The following TBC1D22A variants were observed in gnomAD, a reference collection of about 807,000 sequenced individuals.
TBC1D22A encodes putative GTPase activator.
A neutral mutation model predicts 60.2 loss-of-function variants in TBC1D22A; 38 were observed. The observed-to-expected ratio is 0.63, with a 90% CI of 0.49 to 0.83. TBC1D22A has a LOEUF of 0.83. Ranked by LOEUF, TBC1D22A falls within the 40% of genes least tolerant of loss-of-function variation. The pLI, the probability that TBC1D22A is intolerant of heterozygous loss-of-function variation, is 0.00. For missense variants in TBC1D22A, 628 were observed against 701.0 expected, an observed-to-expected ratio of 0.90 and a Z score of 1.18; for synonymous variants, 302 against 281.7, an observed-to-expected ratio of 1.07 and a Z score of -0.72.
chr22:46,950,768 C>T (rs532050502), intron 8 of TBC1D22A, among the ~76,000 whole-genome samples: 18 of 152,270 alleles, frequency 1.2e-4, no homozygotes, highest in African/African-American at 3.1e-4. Context: ...GCGCCTTTTA[C>T]GAACCCTTGC....
At chr22:46,797,788 A>C (rs913964781) in intron 4 of TBC1D22A, among the ~76,000 whole-genome samples, 168 bp downstream of exon 4, 3 of 152,228 alleles carry the variant, frequency 2.0e-5, no homozygotes, top group African/African-American at 7.2e-5. Flanking sequence ...GTCAGTCACT[A>C]AGGTAGTAGC....
At chr22:47,093,466 G>C (rs540420774) in intron 11 of TBC1D22A, among the ~76,000 whole-genome samples, 1 of 152,158 alleles carries the variant, frequency 6.6e-6, no homozygotes, top group Non-Finnish European at 1.5e-5. Context: ...GAGCAGGTTG[G>C]GGGAGGGGGC....
intron 11 of TBC1D22A, among the ~76,000 whole-genome samples, chr22:47,104,859 C>T (rs1323829002): frequency 6.6e-6 from 1 of 152,158 alleles, no homozygotes; most frequent in South Asian, 2.1e-4. Context: ...AACCAGTTGT[C>T]AACTAGAACA....
At chr22:47,160,135 C>T (rs1038492587) in intron 12 of TBC1D22A, among the ~76,000 whole-genome samples, 4 of 152,354 alleles carry the variant, frequency 2.6e-5, no homozygotes, top group East Asian at 1.9e-4. Flanking sequence ...TTGGTTTCCC[C>T]GCCGCTCCTT....
chr22:47,076,582 AG>A (rs2064237250), intron 11 of TBC1D22A, among the ~76,000 whole-genome samples: 1 of 151,874 alleles, frequency 6.6e-6, no homozygotes, highest in East Asian at 1.9e-4. Context: ...GGCAGATTGG[AG>A]TTCTGCAGGC....
At chr22:47,018,932 T>C (rs1410776849) in intron 10 of TBC1D22A, among the ~76,000 whole-genome samples, 1 of 148,684 alleles carries the variant, frequency 6.7e-6, no homozygotes, top group Non-Finnish European at 1.5e-5. Flanking sequence ...CCTCCTGTCT[T>C]AGCCAGACGT....
intron 7 of TBC1D22A, among the ~76,000 whole-genome samples, chr22:46,906,308 G>T (rs1401648129): frequency 6.6e-6 from 1 of 152,222 alleles, no homozygotes; most frequent in Admixed American, 6.5e-5. Context: ...TACATGGAGA[G>T]CAAGGAGAGC....
chr22:46,790,304 G>C (rs891718708), intron 1 of TBC1D22A, among the ~76,000 whole-genome samples: 11 of 152,236 alleles, frequency 7.2e-5, no homozygotes, highest in African/African-American at 2.7e-4. Context: ...CTTCTGCTCT[G>C]ACCACAGCCA....
At chr22:46,796,083 C>G (rs1020204172) in intron 3 of TBC1D22A, among the ~76,000 whole-genome samples, 6 of 151,938 alleles carry the variant, frequency 3.9e-5, no homozygotes, top group Non-Finnish European at 8.8e-5. Flanking sequence ...TGGTGTGCGG[C>G]TGCTACAAAA....
At chr22:46,958,359 G>A (rs1448062735) in intron 8 of TBC1D22A, among the ~76,000 whole-genome samples, 1 of 152,168 alleles carries the variant, frequency 6.6e-6, no homozygotes, top group Admixed American at 6.5e-5. Context: ...TCTCCCTGTG[G>A]CTGGGGTCCC....
At chr22:46,925,196 C>G (rs551406783) in intron 8 of TBC1D22A, among the ~76,000 whole-genome samples, 1 of 152,358 alleles carries the variant, frequency 6.6e-6, no homozygotes, top group South Asian at 2.1e-4. Context: ...CAAATACATC[C>G]TTTGCCTGAC....
In TBC1D22A at chr22:47,103,308, A is replaced by G. The variant is rs2065494544; in HGVS notation, c.1330-8200A>G. On this transcript the variant is annotated intron_variant, in intron 11 of 12. Transcript: ENST00000337137. ...ACAGTGTGGCATGTGCCGCGGAGAC[A>G]TGGCCAGGGCTCCTGGGAAGAAGGG... Among the ~76,000 whole-genome samples the G allele has an allele frequency of 2.0e-5, 3 of 152,210 alleles. No individual in the cohort carries two copies. The South Asian group carries it at 6.2e-4, about 32-fold the overall frequency.
rs1602720799 is a variant in TBC1D22A at position 46,969,332 on chromosome 22, G to A, written c.1016-4958G>A. Among the ~76,000 whole-genome samples, 4 of 152,280 alleles carry A rather than the reference G, an allele frequency of 2.6e-5. No homozygotes were observed. The South Asian group carries it at 6.2e-4, about 24-fold the overall frequency. The stretch of plus-strand genomic sequence containing the variant: ...CCCACTCCCCCCACCTTGCAGGAGT[G>A]TTCAGACATTCCTGTGTGTGGCATC... On this transcript the variant is annotated intron_variant, in intron 8 of 12. Coordinates refer to ENST00000337137, the MANE Select transcript of TBC1D22A (RefSeq NM_014346.5).
intron 4 of TBC1D22A, among the ~76,000 whole-genome samples, chr22:46,877,641 T>G (rs1388705761): frequency 1.3e-5 from 2 of 152,260 alleles, no homozygotes. Flanking sequence ...GGAAAAAGAT[T>G]AGATGTCAGG....
At chr22:46,923,675 T>G (rs902410510) in intron 8 of TBC1D22A, among the ~76,000 whole-genome samples, 2 of 152,284 alleles carry the variant, frequency 1.3e-5, no homozygotes, top group Non-Finnish European at 2.9e-5. Flanking sequence ...GCCGTACCAC[T>G]GTGCATAAGC....
chr22:46,913,432 T>A, intron 8 of TBC1D22A: 2 of 1,365,294 alleles, frequency 1.5e-6, no homozygotes, highest in Non-Finnish European at 2.0e-6. Flanking sequence ...CCTCAGAAGA[T>A]GAGGACATAT....
intron 11 of TBC1D22A, among the ~76,000 whole-genome samples, chr22:47,054,800 G>A (rs1415090843): frequency 1.3e-5 from 2 of 152,200 alleles, no homozygotes; most frequent in African/African-American, 4.8e-5. Context: ...TGGGGCAAGG[G>A]CGAGGGGCTC....
At chr22:46,808,798 G>GTTAGCCAGGATGGTCTCAA (rs905943289) in intron 4 of TBC1D22A, among the ~76,000 whole-genome samples, 1 of 152,210 alleles carries the variant, frequency 6.6e-6, no homozygotes, top group African/African-American at 2.4e-5. Context: ...GTTTCACCGT[G>GTTAGCCAGGATGGTCTCAA]TTAGCCAGGA....
chr22:46,932,259 C>T (rs2071395021), intron 8 of TBC1D22A, among the ~76,000 whole-genome samples: 3 of 152,190 alleles, frequency 2.0e-5, no homozygotes, highest in South Asian at 4.1e-4. Context: ...TGTTGTGACT[C>T]CCCCAGGTTG....
Sources: gnomAD v4.1 joint callset for allele counts (sites outside exome capture counted in the v4.1 genomes callset) on GRCh38, gnomAD v4.1.1 for gene constraint, MANE v1.5 for transcripts, NCBI Gene and HGNC (gene_info 2026-07-23, HGNC 2026-07-21) for gene names.